GLRA3: variants seen among roughly 807,000 people sequenced by gnomAD.
GLRA3 encodes the protein glycine receptor subunit alpha-3.
Under a neutral mutation model 60.4 loss-of-function variants are expected in GLRA3, and 44 were observed. The observed-to-expected ratio is 0.73, with a 90% CI of 0.57 to 0.94. The LOEUF is 0.94. Ranked by LOEUF, GLRA3 falls within the 40% of genes least tolerant of loss-of-function variation. The probability of loss-of-function intolerance (pLI) is 0.00; values close to 1 mark genes in which losing one functional copy is unlikely to be tolerated. For synonymous variants in GLRA3, 223 were observed against 192.9 expected (o/e 1.16, Z -1.29); for missense variants, 508 against 564.6 (o/e 0.90, Z 1.02).
chr4:174,676,521 A>ATG (rs1284942668), intron 7 of GLRA3, among the ~76,000 whole-genome samples: 1 of 152,120 alleles, frequency 6.6e-6, no homozygotes, highest in East Asian at 1.9e-4. Context: ...GTGTAAAGCT[A>ATG]TGTGTGTGTA....
At chr4:174,823,281 A>C (rs906989679) in intron 1 of GLRA3, among the ~76,000 whole-genome samples, 7 of 152,220 alleles carry the variant, frequency 4.6e-5, no homozygotes, top group Non-Finnish European at 1.5e-5. Context: ...ATGTACATAC[A>C]TATGAATTTG....
At chr4:174,704,428 CTA>C (rs1047162669) in intron 5 of GLRA3, among the ~76,000 whole-genome samples, 2 of 143,806 alleles carry the variant, frequency 1.4e-5, no homozygotes, top group African/African-American at 2.5e-5. Context: ...AAGATGGCTA[CTA>C]TCTGAATCAC....
At chr4:174,815,601 C>T (rs902319732) in intron 1 of GLRA3, among the ~76,000 whole-genome samples, 4 of 152,160 alleles carry the variant, frequency 2.6e-5, no homozygotes, top group Non-Finnish European at 5.9e-5. Flanking sequence ...TTGCGTGCAC[C>T]CACATGCTCA....
At chr4:174,822,566 T>C (rs899742347) in intron 1 of GLRA3, among the ~76,000 whole-genome samples, 8 of 152,226 alleles carry the variant, frequency 5.3e-5, no homozygotes. Context: ...GATGACCACC[T>C]GTTGAAGATG....
intron 7 of GLRA3, among the ~76,000 whole-genome samples, chr4:174,671,479 C>T (rs1185108658): frequency 6.6e-6 from 1 of 152,054 alleles, no homozygotes; most frequent in African/African-American, 2.4e-5. Context: ...ATTTCCTATC[C>T]TTTTATTGTA....
intron 5 of GLRA3, among the ~76,000 whole-genome samples, chr4:174,710,099 A>C (rs891061411): frequency 2.2e-4 from 34 of 151,568 alleles, no homozygotes; most frequent in African/African-American, 7.3e-4. Context: ...TCTCTGTTTC[A>C]CTTCTTCCAG....
chr4:174,773,772 C>T (rs1738486290), intron 2 of GLRA3, among the ~76,000 whole-genome samples: 1 of 152,006 alleles, frequency 6.6e-6, no homozygotes, highest in South Asian at 2.1e-4. Context: ...TTTGTTCTTC[C>T]CCTTTCTCTT....
intron 3 of GLRA3, among the ~76,000 whole-genome samples, chr4:174,737,562 G>C (rs1180330944): frequency 2.0e-5 from 3 of 151,948 alleles, no homozygotes; most frequent in Non-Finnish European, 4.4e-5. Context: ...CGCCCAGGCT[G>C]GAGTGCAGTG....
chr4:174,696,478 TTAATA>T (rs1429985558), intron 5 of GLRA3, among the ~76,000 whole-genome samples: 1 of 148,754 alleles, frequency 6.7e-6, no homozygotes, highest in African/African-American at 2.4e-5. Flanking sequence ...ACAATATAAT[TTAATA>T]TAATATAATA....
chr4:174,710,215 C>T (rs1735668017), intron 5 of GLRA3, among the ~76,000 whole-genome samples: 1 of 151,878 alleles, frequency 6.6e-6, no homozygotes, highest in South Asian at 2.1e-4. Flanking sequence ...CATGCTTATC[C>T]ATGTCTCAAT....
At chr4:174,680,216 C>T (rs1734287457) in intron 6 of GLRA3, among the ~76,000 whole-genome samples, 2 of 152,014 alleles carry the variant, frequency 1.3e-5, no homozygotes, top group African/African-American at 2.4e-5. Context: ...CACAAATATA[C>T]ACCATTGCTT....
chr4:174,710,822 T>A (rs1239537011), intron 5 of GLRA3, among the ~76,000 whole-genome samples: 1 of 152,092 alleles, frequency 6.6e-6, no homozygotes, highest in African/African-American at 2.4e-5. Flanking sequence ...CAGGGATGTG[T>A]CTAGGTTCTG....
chr4:174,714,027 G>T lies in GLRA3; in HGVS notation c.574+1461C>A, dbSNP rs560388311. ...TCTCTCTGACACACAGGCATTCAGT[G>T]ACTTCACAACCACTGCGAATCAGCC... On this transcript the variant is annotated intron_variant, in intron 5 of 9. Coordinates refer to ENST00000274093, the MANE Select transcript of GLRA3 (RefSeq NM_006529.4). 8.5e-5 allele frequency among the ~76,000 whole-genome samples: 13 copies of T among 152,256 alleles called. No homozygotes were observed. The South Asian group carries it at 2.7e-3, about 32-fold the overall frequency.
chr4:174,793,564 T>A (rs1173696060), intron 1 of GLRA3, among the ~76,000 whole-genome samples: 1 of 152,010 alleles, frequency 6.6e-6, no homozygotes, highest in Non-Finnish European at 1.5e-5. Flanking sequence ...GCGATCCTCC[T>A]GTGTCAGCCG....
At chr4:174,770,747 A>G (rs1388807347) in intron 2 of GLRA3, among the ~76,000 whole-genome samples, 2 of 152,094 alleles carry the variant, frequency 1.3e-5, no homozygotes, top group East Asian at 1.9e-4. Context: ...ATTTTAAAAT[A>G]TCTTCATTGC....
intron 7 of GLRA3, 53 bp from the exon 8 acceptor site, chr4:174,659,250 T>C: frequency 7.3e-7 from 1 of 1,376,420 alleles, no homozygotes; most frequent in Non-Finnish European, 1.0e-6. Context: ...TGTTACTTCC[T>C]TTGAGAACAA....
intron 4 of GLRA3, among the ~76,000 whole-genome samples, chr4:174,716,930 G>C (rs140576567): frequency 6.6e-6 from 1 of 152,050 alleles, no homozygotes; most frequent in Non-Finnish European, 1.5e-5. Context: ...GCCAGGCGTG[G>C]TGTCTTACGC....
At chr4:174,774,752 CT>C (rs1738526311) in intron 2 of GLRA3, among the ~76,000 whole-genome samples, 1 of 152,120 alleles carries the variant, frequency 6.6e-6, no homozygotes, top group Admixed American at 6.5e-5. Context: ...TGATTCTAAA[CT>C]GAATACTTTT....
intron 3 of GLRA3, among the ~76,000 whole-genome samples, chr4:174,764,518 A>G (rs1456512359): frequency 1.3e-5 from 2 of 150,748 alleles, no homozygotes; most frequent in African/African-American, 4.9e-5. Flanking sequence ...TATTCGTATT[A>G]TAAGAACAGA....
Sources: gnomAD v4.1 joint callset for allele counts (sites outside exome capture counted in the v4.1 genomes callset) on GRCh38, gnomAD v4.1.1 for gene constraint, MANE v1.5 for transcripts, NCBI Gene and HGNC (gene_info 2026-07-23, HGNC 2026-07-21) for gene names.